ZNF407: variants seen among roughly 807,000 people sequenced by gnomAD.
ZNF407 encodes the protein zinc finger protein 407.
ZNF407 carries 17 observed loss-of-function variants against 131.2 expected under a neutral mutation model. The observed-to-expected ratio is 0.13, with a 90% CI of 0.09 to 0.19. ZNF407 has a LOEUF of 0.19. Among genes scored for constraint, ZNF407 ranks in the 10% least tolerant of loss-of-function variants. The pLI, the probability that ZNF407 is intolerant of heterozygous loss-of-function variation, is 1.00. For missense variants in ZNF407, 2,681 were observed against 2,830.6 expected, an observed-to-expected ratio of 0.95 and a Z score of 1.20; for synonymous variants, 1,156 against 1,062.0, an observed-to-expected ratio of 1.09 and a Z score of -1.72.
intron 3 of ZNF407, among the ~76,000 whole-genome samples, chr18:74,700,242 A>G (rs1163216814): frequency 6.6e-6 from 1 of 152,228 alleles, no homozygotes; most frequent in Non-Finnish European, 1.5e-5. Flanking sequence ...GTTTTAAAAT[A>G]CATTAGTATA....
intron 4 of ZNF407, among the ~76,000 whole-genome samples, chr18:74,867,580 G>A (rs529966060): frequency 2.0e-5 from 3 of 152,300 alleles, no homozygotes; most frequent in South Asian, 4.1e-4. Flanking sequence ...ATGAGTATCT[G>A]ACTGCAAATG....
chr18:74,964,150 T>A (rs1465488251), intron 8 of ZNF407, among the ~76,000 whole-genome samples: 2 of 152,220 alleles, frequency 1.3e-5, no homozygotes, highest in African/African-American at 2.4e-5. Context: ...TATAACAGAC[T>A]TTCATATGTA....
At chr18:74,825,908 G>A (rs1340936148) in intron 4 of ZNF407, among the ~76,000 whole-genome samples, 1 of 152,156 alleles carries the variant, frequency 6.6e-6, no homozygotes, top group East Asian at 1.9e-4. Flanking sequence ...AATGAGATGG[G>A]AACTGTGACT....
chr18:74,866,014 A>G (rs905945323), intron 4 of ZNF407, among the ~76,000 whole-genome samples: 6 of 152,238 alleles, frequency 3.9e-5, no homozygotes, highest in African/African-American at 1.4e-4. Context: ...CTTTAAAACC[A>G]TAAAACTTGT....
intron 3 of ZNF407, among the ~76,000 whole-genome samples, chr18:74,720,534 T>C (rs1274638065): frequency 6.6e-6 from 1 of 152,142 alleles, no homozygotes; most frequent in Non-Finnish European, 1.5e-5. Flanking sequence ...TTTGCTTTTG[T>C]TGCCTGTGCT....
intron 8 of ZNF407, among the ~76,000 whole-genome samples, chr18:74,943,492 T>C (rs975452000): frequency 3.3e-5 from 5 of 152,194 alleles, no homozygotes; most frequent in African/African-American, 1.2e-4. Context: ...CCATAAGGCG[T>C]AGAAATGCAT....
chr18:74,785,898 C>T (rs1441790313), intron 4 of ZNF407, among the ~76,000 whole-genome samples: 1 of 151,710 alleles, frequency 6.6e-6, no homozygotes, highest in Admixed American at 6.6e-5. Context: ...ATGGCACTCA[C>T]ATGGGACACA....
chr18:74,995,218 G>T (rs1972766461), intron 8 of ZNF407, among the ~76,000 whole-genome samples: 1 of 152,220 alleles, frequency 6.6e-6, no homozygotes, highest in South Asian at 2.1e-4. Flanking sequence ...GTGAACGGCA[G>T]GGCCTGGCTT....
At chr18:74,951,737 CTG>C (rs1273542169) in intron 8 of ZNF407, among the ~76,000 whole-genome samples, 4 of 152,126 alleles carry the variant, frequency 2.6e-5, no homozygotes, top group East Asian at 1.9e-4. Context: ...TTTTCATAGT[CTG>C]TGTGTTTTTT....
intron 8 of ZNF407, among the ~76,000 whole-genome samples, chr18:74,945,275 TA>T (rs916634220): frequency 5.9e-5 from 9 of 151,480 alleles, no homozygotes; most frequent in Non-Finnish European, 1.0e-4. Flanking sequence ...AGTCTTATGC[TA>T]AAAAAAAATC....
At chr18:74,755,765 C>CT (rs1219664899) in intron 3 of ZNF407, among the ~76,000 whole-genome samples, 1 of 119,568 alleles carries the variant, frequency 8.4e-6, no homozygotes, top group Non-Finnish European at 1.6e-5. Context: ...TTCTTTCTTT[C>CT]TTTCTTTCTC....
intron 3 of ZNF407, among the ~76,000 whole-genome samples, chr18:74,659,718 T>G (rs1340877737): frequency 6.6e-6 from 1 of 152,096 alleles, no homozygotes; most frequent in African/African-American, 2.4e-5. Context: ...ATGGGGCAGG[T>G]TTTGCATTTT....
intron 8 of ZNF407, among the ~76,000 whole-genome samples, chr18:74,943,447 G>T (rs981491040): frequency 6.6e-6 from 1 of 152,096 alleles, no homozygotes; most frequent in Non-Finnish European, 1.5e-5. Context: ...ATTTTTGAAG[G>T]GAACTGGACC....
intron 8 of ZNF407, among the ~76,000 whole-genome samples, chr18:75,008,524 C>A (rs1002829004): frequency 6.6e-6 from 1 of 152,178 alleles, no homozygotes; most frequent in Non-Finnish European, 1.5e-5. Context: ...TGGCGTTTTT[C>A]ATAAATGTTT....
chr18:74,995,778 C>T (rs1325373491), intron 8 of ZNF407, among the ~76,000 whole-genome samples: 1 of 152,026 alleles, frequency 6.6e-6, no homozygotes, highest in African/African-American at 2.4e-5. Flanking sequence ...TAAGAGATAC[C>T]GAGGGACTTG....
intron 8 of ZNF407, among the ~76,000 whole-genome samples, chr18:74,943,868 C>T (rs1187583146): frequency 3.3e-5 from 5 of 152,086 alleles, no homozygotes; most frequent in Non-Finnish European, 7.4e-5. Context: ...TGGAAAGTTT[C>T]CCAGCATAAA....
intron 8 of ZNF407, among the ~76,000 whole-genome samples, chr18:75,006,249 A>G (rs939607564): frequency 6.6e-6 from 1 of 152,172 alleles, no homozygotes; most frequent in Non-Finnish European, 1.5e-5. Flanking sequence ...TTTTAGATGT[A>G]TTGATCTTTC....
At chr18:74,624,961 C>T (rs1410163404) in intron 1 of ZNF407, among the ~76,000 whole-genome samples, 1 of 152,218 alleles carries the variant, frequency 6.6e-6, no homozygotes, top group African/African-American at 2.4e-5. Flanking sequence ...TCTTAGTTTG[C>T]ATTGTGCACA....
chr18:75,061,786 C>G (rs1413234097), intron 8 of ZNF407: 2 of 152,800 alleles, frequency 1.3e-5, no homozygotes, highest in Non-Finnish European at 2.9e-5. Context: ...CTCCGGCTCT[C>G]CCCTCCTCAC....
Sources: allele counts gnomAD v4.1 joint callset (sites outside exome capture counted in the v4.1 genomes callset), GRCh38; gene constraint gnomAD v4.1.1; transcripts MANE v1.5; gene names NCBI Gene and HGNC (gene_info 2026-07-23, HGNC 2026-07-21).